Variants in PFKP observed in about 807,000 individuals in gnomAD.
PFKP encodes phosphofructokinase, platelet, also known as ATP-dependent 6-phosphofructokinase, platelet type.
In PFKP, 101 loss-of-function variants were observed where a neutral mutation model predicts 94.3. The ratio of observed to expected loss-of-function variants is 1.07; its 90% CI spans 0.91 to 1.26. PFKP has a LOEUF of 1.26. PFKP is among the 50% of genes most tolerant of loss of function. PFKP has a pLI of 0.00. For missense variants in PFKP, 1,145 were observed against 1,103.3 expected (o/e 1.04, Z -0.53); for synonymous variants, 573 against 432.6 (o/e 1.32, Z -4.03).
Position 3,101,566 on chromosome 10 carries a change from CCTG to C in PFKP, c.454+15_454+17del, listed in dbSNP as rs761985413. 936 of 1,511,592 alleles carry C rather than the reference CCTG, an allele frequency of 6.2e-4. 3 individuals are homozygous for C. Among genetic ancestry groups the C allele is most frequent in the South Asian group, 1.4e-3 (109 of 75,228 alleles). 93.6% of individuals were successfully genotyped at this position (1,511,592 alleles called of 1,614,324 possible). A position where few individuals can be genotyped will look rare whatever the true frequency, so the allele number is the denominator to read the frequency against. Reference sequence around the variant, plus strand: ...GCTGGCCAGGAACGGTGAGTGGACACCTGCTCCTCTGTCCTGCGGGTTTTCGCC... The same window carrying C: ...GCTGGCCAGGAACGGTGAGTGGACACCTCCTCTGTCCTGCGGGTTTTCGCC... On this transcript the variant is annotated intron_variant, in intron 4 of 21. Transcript: ENST00000381125.
At position 3,135,837 on chromosome 10, in the gene PFKP, G is replaced by A; in HGVS notation, c.2224G>A (p.Glu742Lys). The A allele has an allele frequency of 6.2e-7, 1 of 1,602,150 alleles. No homozygotes were observed. Residue 742 changes from glutamate to lysine, a missense_variant and splice_region_variant, in exon 21 of 22, where the codon GAG becomes AAG. Glu to Lys is a moderately conservative substitution (Grantham distance 56, BLOSUM62 1). Transcript: ENST00000381125. The stretch of plus-strand genomic sequence containing the variant: ...AGAGCTGAAGAAGCAAACGGATTTT[G>A]AGTAAGTTGGCTGGGTTCCCTGAGG... ...VAELKKQTDF[E>K]HRIPKEQWWL... is the part of the protein sequence containing the mutation.
At chr10:3,104,612 T>C (rs752388372) in intron 5 of PFKP, 27 of 209,476 alleles carry the variant, frequency 1.3e-4, no homozygotes, top group Admixed American at 2.2e-4. Context: ...ACCCCACAGT[T>C]GGTGGAAAAT....
chr10:3,115,918 C>G (rs1836790647), intron 13 of PFKP, among the ~76,000 whole-genome samples: 1 of 152,164 alleles, frequency 6.6e-6, no homozygotes, highest in African/African-American at 2.4e-5. Flanking sequence ...ACCACCACTG[C>G]CCGCCCTTCT....
At chr10:3,116,957 C>A in intron 14 of PFKP, 111 bp downstream of exon 14, 1 of 856,456 alleles carries the variant, frequency 1.2e-6, no homozygotes, top group Non-Finnish European at 2.0e-6. Flanking sequence ...GAAAGGCGTC[C>A]CTAAGGGAGG....
chr10:3,121,587 T>G (rs1174033709), intron 16 of PFKP, among the ~76,000 whole-genome samples: 5 of 103,984 alleles, frequency 4.8e-5, no homozygotes, highest in African/African-American at 2.0e-4. Context: ...AACTGTTTTT[T>G]TTTTTTTTTT....
chr10:3,096,809 C>A (rs61835135), intron 2 of PFKP, among the ~76,000 whole-genome samples: 8 of 147,950 alleles, frequency 5.4e-5, no homozygotes, highest in Non-Finnish European at 1.2e-4. Context: ...CCGGGTGCGG[C>A]GGCTCATGCC....
chr10:3,104,981 C>T, intron 5 of PFKP, 134 bp from the exon 6 acceptor site: 2 of 794,046 alleles, frequency 2.5e-6, no homozygotes, highest in Non-Finnish European at 2.2e-6. Flanking sequence ...TAGGTCCCTG[C>T]AGGCCTCCTG....
rs756583418 is a variant in PFKP at position 3,136,472 on chromosome 10, T to TG, written c.2250dup (p.Trp751ValfsTer19). On this transcript the variant is annotated frameshift_variant, in exon 22 of 22. Transcript: ENST00000381125. LOFTEE classifies it low-confidence loss of function (END_TRUNC). The stretch of plus-strand genomic sequence containing the variant: ...CAGGCACAGGATTCCCAAAGAACAG[T>TG]GGTGGCTCAAGCTACGGCCCCTCAT... 6.2e-7 allele frequency: 1 copy of TG among 1,613,488 alleles called. No individual in the cohort carries two copies. The highest frequency in any genetic ancestry group is 1.3e-5 in the African/African-American group (1 of 74,884).
At chr10:3,125,807 G>A (rs1015771955) in intron 16 of PFKP, among the ~76,000 whole-genome samples, 8 of 152,210 alleles carry the variant, frequency 5.3e-5, no homozygotes, top group Non-Finnish European at 1.0e-4. Flanking sequence ...TGGCCCCTCC[G>A]GTCCCTGATA....
intron 13 of PFKP, among the ~76,000 whole-genome samples, chr10:3,115,991 G>A (rs1187627709): frequency 1.3e-5 from 2 of 152,180 alleles, no homozygotes. Flanking sequence ...TCTGTCCTGG[G>A]TGGATCTTGC....
chr10:3,113,562 T>C, intron 13 of PFKP, 44 bp downstream of exon 13: 1 of 1,581,846 alleles, frequency 6.3e-7, no homozygotes, highest in Non-Finnish European at 8.6e-7. Context: ...ACCCTGGCTG[T>C]GAGCACAGTG....
intron 21 of PFKP, 33 bp from the exon 22 acceptor site, chr10:3,136,417 A>G (rs1229017414): frequency 5.6e-6 from 9 of 1,610,638 alleles, no homozygotes; most frequent in Non-Finnish European, 7.6e-6. Flanking sequence ...CAGTGACTGC[A>G]GGCCTCACTG....
chr10:3,131,026 A>G (rs946772474), intron 17 of PFKP, among the ~76,000 whole-genome samples: 1 of 151,988 alleles, frequency 6.6e-6, no homozygotes, highest in East Asian at 1.9e-4. Flanking sequence ...AGTGGGTCCC[A>G]TAAGATTATA....
intron 15 of PFKP, 62 bp from the exon 16 acceptor site, chr10:3,119,830 C>T (rs1385237006): frequency 1.9e-6 from 3 of 1,544,768 alleles, no homozygotes; most frequent in East Asian, 2.3e-5. Context: ...CAGCCTCTCC[C>T]AGCGAGACCC....
Position 3,109,918 on chromosome 10 carries a change from C to T in PFKP, c.1089+438C>T, listed in dbSNP as rs140662814. On this transcript the variant is annotated intron_variant, in intron 10 of 21. Transcript: ENST00000381125. The stretch of plus-strand genomic sequence containing the variant: ...CAGAGGGGGCAGGGAGGCAGGGAGG[C>T]GGGCGTGAGAGAGATCTACAGGGTG... 7.7e-3 allele frequency among the ~76,000 whole-genome samples: 1,171 copies of T among 152,064 alleles called. 14 individuals are homozygous for T. The highest frequency in any genetic ancestry group is 0.024 in the South Asian group (113 of 4,802).
intron 1 of PFKP, among the ~76,000 whole-genome samples, chr10:3,069,892 T>G (rs2131366285): frequency 6.6e-6 from 1 of 152,348 alleles, no homozygotes; most frequent in South Asian, 2.1e-4. Context: ...ACCCTGGTTT[T>G]GCCACCTGGG....
chr10:3,135,311 T>A (rs1267333775), intron 20 of PFKP, among the ~76,000 whole-genome samples: 1 of 152,238 alleles, frequency 6.6e-6, no homozygotes, highest in East Asian at 1.9e-4. Context: ...GTGATGTGAA[T>A]AGTTTCAATG....
In PFKP at chr10:3,135,756, G is replaced by T. The variant is rs1383790806; in HGVS notation, c.2143G>T (p.Asp715Tyr). 5.0e-6 allele frequency: 8 copies of T among 1,611,596 alleles called. No individual in the cohort carries two copies. The highest frequency in any genetic ancestry group is 1.7e-5 in the Admixed American group (1 of 59,864). The change falls in exon 21 of 22, where the codon GAT becomes TAT. Residue 715 changes from aspartate (D) to tyrosine (Y), a missense_variant. By Grantham distance (160) the Asp-to-Tyr change is radical. This residue lies in a region of PFKP where 1,119 missense variants were observed against 1,062.8 expected (regional missense o/e 1.05). Transcript: ENST00000381125. ...TATAGGAAAAAAATTTACCACCGAT[G>T]ATTCCATTTGTGTGCTGGGAATAAG... ...RGRGKKFTTD[D>Y]SICVLGISKR...
chr10:3,133,263 G>C lies in PFKP; in HGVS notation c.1971G>C (p.Glu657Asp). The stretch of plus-strand genomic sequence containing the variant: ...TCATTTACCAGCTGTATTCAGAAGA[G>C]GGCAAAGGCGTGTTTGACTGCAGGA... ...TDFIYQLYSE[E>D]GKGVFDCRKN... Residue 657 changes from glutamate (E) to aspartate (D), a missense_variant, in exon 19 of 22, where the codon GAG becomes GAC. Glu to Asp is a conservative substitution (Grantham distance 45). Coordinates refer to ENST00000381125, the MANE Select transcript of PFKP (RefSeq NM_002627.5). The C allele has an allele frequency of 6.2e-7, 1 of 1,614,168 alleles. No homozygotes were observed. Among genetic ancestry groups the C allele is most frequent in the Non-Finnish European group, 8.5e-7 (1 of 1,179,992 alleles).
Sources: allele counts gnomAD v4.1 joint callset (sites outside exome capture counted in the v4.1 genomes callset), GRCh38; gene constraint gnomAD v4.1.1; regional missense constraint gnomAD v4.1.1; transcripts MANE v1.5; gene names NCBI Gene and HGNC (gene_info 2026-07-23, HGNC 2026-07-21).